PRSS12: variants seen among roughly 807,000 people sequenced by gnomAD.
The protein encoded by PRSS12 is neurotrypsin.
Under a neutral mutation model 104.4 loss-of-function variants are expected in PRSS12, and 85 were observed. The ratio of observed to expected loss-of-function variants is 0.81; its 90% CI spans 0.68 to 0.98. The LOEUF (loss-of-function observed/expected upper bound fraction) is 0.98. PRSS12 is among the 50% of genes least tolerant of loss of function. The probability of loss-of-function intolerance (pLI) is 0.00; values close to 1 mark genes in which losing one functional copy is unlikely to be tolerated. For missense variants in PRSS12, 1,141 were observed against 1,139.2 expected, an observed-to-expected ratio of 1.00 and a Z score of -0.02; for synonymous variants, 454 against 425.2, an observed-to-expected ratio of 1.07 and a Z score of -0.83.
chr4:118,308,311 G>T, intron 8 of PRSS12, 125 bp downstream of exon 8: 1 of 1,288,342 alleles, frequency 7.8e-7, no homozygotes, highest in Non-Finnish European at 1.1e-6. Context: ...AAATCAATAT[G>T]CTGCCAGTAT....
intron 1 of PRSS12, among the ~76,000 whole-genome samples, chr4:118,347,495 T>C (rs958439648): frequency 5.7e-4 from 87 of 152,316 alleles, no homozygotes; most frequent in African/African-American, 1.9e-3. Flanking sequence ...TCTCAATGAT[T>C]AAAACTTTCT....
chr4:118,330,097 G>T (rs1377921743), intron 4 of PRSS12, among the ~76,000 whole-genome samples: 1 of 152,150 alleles, frequency 6.6e-6, no homozygotes, highest in East Asian at 1.9e-4. Context: ...GTTGACACAG[G>T]ATCTGCTGTG....
intron 9 of PRSS12, 142 bp from the exon 10 acceptor site, chr4:118,295,998 A>G: frequency 3.9e-6 from 3 of 766,708 alleles, no homozygotes; most frequent in Non-Finnish European, 6.8e-6. Context: ...TGTAACAAAA[A>G]TAGTTTTCTC....
intron 1 of PRSS12, among the ~76,000 whole-genome samples, chr4:118,344,780 T>G (rs1724314590): frequency 6.6e-6 from 1 of 152,170 alleles, no homozygotes; most frequent in Non-Finnish European, 1.5e-5. Flanking sequence ...TTCCTTAGTT[T>G]AAAACATTAT....
At chr4:118,336,821 A>C (rs1365949607) in intron 2 of PRSS12, among the ~76,000 whole-genome samples, 1 of 152,148 alleles carries the variant, frequency 6.6e-6, no homozygotes, top group East Asian at 1.9e-4. Flanking sequence ...TCAGCCTACA[A>C]ATTTATTACA....
intron 11 of PRSS12, among the ~76,000 whole-genome samples, chr4:118,291,369 C>G (rs1432760469): frequency 6.6e-6 from 1 of 152,220 alleles, no homozygotes; most frequent in Non-Finnish European, 1.5e-5. Flanking sequence ...TCACATGAAC[C>G]TAAGCTCTCT....
intron 1 of PRSS12, among the ~76,000 whole-genome samples, chr4:118,346,899 G>A (rs1178512727): frequency 6.6e-6 from 1 of 152,080 alleles, no homozygotes; most frequent in Non-Finnish European, 1.5e-5. Context: ...CCACAGAACT[G>A]GTCCCTGGTG....
In PRSS12 at chr4:118,284,063, T is replaced by C. The variant is rs116170792; in HGVS notation, c.2040-952A>G. 8.1e-3 allele frequency among the ~76,000 whole-genome samples: 1,227 copies of C among 152,338 alleles called. 7 individuals are homozygous for C. The highest frequency in any genetic ancestry group is 0.014 in the Non-Finnish European group (928 of 68,036). On this transcript the variant is annotated intron_variant, in intron 11 of 12. Coordinates refer to ENST00000296498, the MANE Select transcript of PRSS12 (RefSeq NM_003619.4). Reference sequence around the variant, plus strand: ...ATTTTTCAGCCATCATACTAAAGTATGATGATTCTGATACCAAACCCACCT... The same window carrying C: ...ATTTTTCAGCCATCATACTAAAGTACGATGATTCTGATACCAAACCCACCT...
At chr4:118,302,368 T>C (rs1425696706) in intron 8 of PRSS12, among the ~76,000 whole-genome samples, 1 of 152,236 alleles carries the variant, frequency 6.6e-6, no homozygotes, top group Non-Finnish European at 1.5e-5. Context: ...CACATTAAAT[T>C]AGCTTCATAA....
intron 8 of PRSS12, among the ~76,000 whole-genome samples, chr4:118,302,118 A>AT (rs1454657317): frequency 6.6e-6 from 1 of 152,170 alleles, no homozygotes; most frequent in Non-Finnish European, 1.5e-5. Flanking sequence ...TTGTTTAATC[A>AT]TTTATTAAAA....
At chr4:118,289,554 A>G (rs2126026804) in intron 11 of PRSS12, among the ~76,000 whole-genome samples, 1 of 152,314 alleles carries the variant, frequency 6.6e-6, no homozygotes, top group Admixed American at 6.5e-5. Flanking sequence ...TTGCTTCTAG[A>G]TTACAGTCTC....
chr4:118,281,038 G>C lies in PRSS12; in HGVS notation c.*898C>G, dbSNP rs1327745566. Reference sequence around the variant, plus strand: ...AAGCATTTTGACTAGTATATTTTAAGATTGGATTGTATCAGGTTGGGCTTG... The same window carrying C: ...AAGCATTTTGACTAGTATATTTTAACATTGGATTGTATCAGGTTGGGCTTG... On this transcript the variant is annotated 3_prime_UTR_variant, in exon 13 of 13. Coordinates refer to ENST00000296498, the MANE Select transcript of PRSS12 (RefSeq NM_003619.4). The C allele has an allele frequency of 6.6e-6, 1 of 152,270 alleles. No homozygotes were observed. The highest frequency in any genetic ancestry group is 1.5e-5 in the Non-Finnish European group (1 of 68,064). The allele number at this position is 152,270 out of a possible 1,614,324, so 9.4% of individuals were successfully genotyped here. A position where few individuals can be genotyped will look rare whatever the true frequency, so the allele number is the denominator to read the frequency against.
chr4:118,336,805 T>C (rs143547450), intron 2 of PRSS12, among the ~76,000 whole-genome samples: 24 of 152,328 alleles, frequency 1.6e-4, no homozygotes, highest in African/African-American at 2.6e-4. Flanking sequence ...AAGGAAGACA[T>C]TGACATCAGC....
chr4:118,351,266 T>A (rs1724495888), intron 1 of PRSS12, among the ~76,000 whole-genome samples: 1 of 152,086 alleles, frequency 6.6e-6, no homozygotes, highest in Admixed American at 6.5e-5. Flanking sequence ...TGCCCCACAG[T>A]GTGAATGGAA....
At position 118,335,458 on chromosome 4, in the gene PRSS12, T is replaced by G; in HGVS notation, c.820+15A>C. 1 of 1,609,974 alleles carries G rather than the reference T, an allele frequency of 6.2e-7. No individual in the cohort carries two copies. Among genetic ancestry groups the G allele is most frequent in the Non-Finnish European group, 8.5e-7 (1 of 1,177,828 alleles). ...TAATGAAAGTAAAACAACAGAACTT[T>G]TTTCTTTTTTTTACCATGGGAAAAG... On this transcript the variant is annotated intron_variant, in intron 3 of 12. Coordinates refer to ENST00000296498, the MANE Select transcript of PRSS12 (RefSeq NM_003619.4).
Position 118,294,960 on chromosome 4 carries a change from GT to G in PRSS12, c.2017del (p.Thr673GlnfsTer41). ...ATLLSSCWVL[T>X]AAHCFKRYGN... The stretch of plus-strand genomic sequence containing the variant: ...ATACCTCTTGAAACAGTGTGCTGCT[GT>G]GAGGACCCAGCAGCTACTCAGGAGC... On this transcript the variant is annotated frameshift_variant, in exon 11 of 13. Coordinates refer to ENST00000296498, the MANE Select transcript of PRSS12 (RefSeq NM_003619.4). LOFTEE classifies it high-confidence loss of function. The G allele has an allele frequency of 6.2e-7, 1 of 1,614,126 alleles. No homozygotes were observed. The highest frequency in any genetic ancestry group is 8.5e-7 in the Non-Finnish European group (1 of 1,180,014).
At chr4:118,351,521 T>C (rs1378692186) in intron 1 of PRSS12, among the ~76,000 whole-genome samples, 2 of 152,186 alleles carry the variant, frequency 1.3e-5, no homozygotes, top group Admixed American at 6.5e-5. Flanking sequence ...ATAAAACATA[T>C]AAAGCTAAGT....
At chr4:118,324,472 T>C (rs1178687717) in intron 4 of PRSS12, among the ~76,000 whole-genome samples, 1 of 152,156 alleles carries the variant, frequency 6.6e-6, no homozygotes, top group Non-Finnish European at 1.5e-5. Context: ...AATACTCTGA[T>C]AGGCTGAGAA....
At chr4:118,328,571 T>A in intron 4 of PRSS12, among the ~76,000 whole-genome samples, 1 of 150,610 alleles carries the variant, frequency 6.6e-6, no homozygotes, top group East Asian at 1.9e-4. Flanking sequence ...AAGGAAGAAC[T>A]CTACATTAAA....
Sources: gnomAD v4.1 joint callset for allele counts (sites outside exome capture counted in the v4.1 genomes callset) on GRCh38, gnomAD v4.1.1 for gene constraint, MANE v1.5 for transcripts, NCBI Gene and HGNC (gene_info 2026-07-23, HGNC 2026-07-21) for gene names.